GPN1: variants seen among roughly 807,000 people sequenced by gnomAD.
The protein encoded by GPN1 is GPN-loop GTPase 1.
GPN1 carries 44 observed loss-of-function variants against 55.9 expected under a neutral mutation model. That is an observed-to-expected ratio of 0.79 (90% CI 0.62 to 1.01). The LOEUF is 1.01. GPN1 is among the 50% of genes least tolerant of loss of function. The probability of loss-of-function intolerance (pLI) is 0.00; values close to 1 mark genes in which losing one functional copy is unlikely to be tolerated. For synonymous variants in GPN1, 179 were observed against 162.5 expected, an observed-to-expected ratio of 1.10 and a Z score of -0.77; for missense variants, 466 against 462.8, an observed-to-expected ratio of 1.01 and a Z score of -0.06.
chr2:27,632,588 G>T, intron 4 of GPN1, 45 bp from the exon 5 acceptor site: 1 of 1,393,914 alleles, frequency 7.2e-7, no homozygotes, highest in South Asian at 1.2e-5. Flanking sequence ...CTGTGATTTT[G>T]TGTTGAAATC....
chr2:27,635,013 G>A (rs912079108), intron 6 of GPN1, 89 bp downstream of exon 6: 1 of 975,486 alleles, frequency 1.0e-6, no homozygotes, highest in African/African-American at 1.6e-5. Context: ...CTTTATATGG[G>A]AGGAAGTTGT....
chr2:27,641,696 C>T (rs569460481), intron 11 of GPN1, among the ~76,000 whole-genome samples: 304 of 152,260 alleles, frequency 2.0e-3, no homozygotes, highest in African/African-American at 7.1e-3. Context: ...TGGGCTTAAG[C>T]GATCCTCCCA....
Position 27,634,836 on chromosome 2 carries a change from C to A in GPN1, c.351-10C>A, listed in dbSNP as rs1247796332. 1.4e-6 allele frequency: 2 copies of A among 1,459,600 alleles called. No homozygotes were observed. The highest frequency in any genetic ancestry group is 1.9e-6 in the Non-Finnish European group (2 of 1,038,944). The allele number at this position is 1,459,600 out of a possible 1,614,324, so 90.4% of individuals were successfully genotyped here. ...ATGTAACACTTCTTTAATGATCTTT[C>A]TTGACATAGATATGTGTTGATTGAC... On this transcript the variant is annotated splice_polypyrimidine_tract_variant and intron_variant, in intron 5 of 13. Coordinates refer to ENST00000610189, the MANE Select transcript of GPN1 (RefSeq NM_007266.4).
At chr2:27,629,318 C>T (rs775965579) in intron 1 of GPN1, 149 bp downstream of exon 1, 3 of 1,490,812 alleles carry the variant, frequency 2.0e-6, no homozygotes, top group African/African-American at 2.8e-5. Flanking sequence ...CCTTCCCCGG[C>T]AAAGCCTCCT....
chr2:27,642,471 C>A lies in GPN1; in HGVS notation c.883C>A (p.Leu295Ile), dbSNP rs1673995659. 1 of 1,613,602 alleles carries A rather than the reference C, an allele frequency of 6.2e-7. No individual in the cohort carries two copies. The highest frequency in any genetic ancestry group is 1.3e-5 in the African/African-American group (1 of 74,880). Residue 295 changes from leucine (L) to isoleucine (I), a missense_variant, in exon 12 of 14, where the codon CTT becomes ATT. Physicochemically the swap from Leu to Ile is conservative, Grantham distance 5. Transcript: ENST00000610189. ...ACAGCAGAGAGAACAACTGGAACGCCTTCGAAAAGATATGGGTTCTGTAGC... is the reference window on the plus strand; with the variant it reads ...ACAGCAGAGAGAACAACTGGAACGCATTCGAAAAGATATGGGTTCTGTAGC... ...SQQQREQLER[L>I]RKDMGSVALD...
In GPN1 at chr2:27,650,804, T is replaced by C. The variant is rs538177353; in HGVS notation, c.*604T>C. Reference sequence around the variant, plus strand: ...GCAAGACATGATTAATGAATCAGAATCCTGTTTCATTGGTGACTTGGATAA... The same window carrying C: ...GCAAGACATGATTAATGAATCAGAACCCTGTTTCATTGGTGACTTGGATAA... On this transcript the variant is annotated 3_prime_UTR_variant, in exon 14 of 14. Transcript: ENST00000610189. 50 of 152,918 alleles carry C rather than the reference T, an allele frequency of 3.3e-4. No homozygotes were observed. Among genetic ancestry groups the C allele is most frequent in the African/African-American group, 1.2e-3 (49 of 41,588 alleles). The allele number at this position is 152,918 out of a possible 1,614,324, so 9.5% of individuals were successfully genotyped here.
At position 27,631,836 on chromosome 2, in the gene GPN1, A is replaced by G; in HGVS notation, c.248A>G (p.Tyr83Cys). 6.3e-7 allele frequency: 1 copy of G among 1,584,504 alleles called. No individual in the cohort carries two copies. The highest frequency in any genetic ancestry group is 8.7e-7 in the Non-Finnish European group (1 of 1,152,918). The change falls in exon 4 of 14, where the codon TAT (tyrosine) becomes TGT (cysteine). Residue 83 changes from tyrosine to cysteine, a missense_variant and splice_region_variant. Tyr to Cys is a radical substitution (Grantham distance 194). Coordinates refer to ENST00000610189, the MANE Select transcript of GPN1 (RefSeq NM_007266.4). ...TVKYKEVMKQ[Y>C]GLGPNGGIVT... ...TCAGTCCTCAACTTGGTGTCTAGAT[A>G]TGGACTTGGACCCAATGGCGGCATA... is the stretch of plus-strand genomic sequence containing the variant.
chr2:27,631,951 T>C (rs1429206431), intron 4 of GPN1, 51 bp downstream of exon 4: 4 of 995,992 alleles, frequency 4.0e-6, no homozygotes, highest in Non-Finnish European at 6.5e-6. Context: ...TCTGTGACTC[T>C]TAAATTCCTT....
intron 12 of GPN1, among the ~76,000 whole-genome samples, chr2:27,646,578 C>G (rs1674244989): frequency 6.6e-6 from 1 of 152,068 alleles, no homozygotes; most frequent in Admixed American, 6.6e-5. Flanking sequence ...TCCACCCCCA[C>G]CCCTGTATAT....
intron 1 of GPN1, chr2:27,629,525 C>G: frequency 1.1e-6 from 1 of 882,496 alleles, no homozygotes; most frequent in Non-Finnish European, 1.8e-6. Context: ...TCTTGCACGC[C>G]TGTCATGTTC....
At chr2:27,628,438 A>G (rs762814103), upstream of GPN1, 25 of 1,551,582 alleles carry the variant, frequency 1.6e-5, no homozygotes, top group South Asian at 3.0e-4. Flanking sequence ...GCAACTGTGT[A>G]GTTCACTGAG....
chr2:27,630,500 C>T (rs1158642094), intron 2 of GPN1, among the ~76,000 whole-genome samples: 1 of 150,898 alleles, frequency 6.6e-6, no homozygotes, highest in African/African-American at 2.4e-5. Flanking sequence ...AGTGATCCTC[C>T]CACCTCAGCC....
In GPN1 at chr2:27,651,357, T is replaced by C. The variant is rs556448450; in HGVS notation, c.*1157T>C. The C allele has an allele frequency of 2.6e-5, 4 of 152,454 alleles. No homozygotes were observed. Among genetic ancestry groups the C allele is most frequent in the African/African-American group, 4.8e-5 (2 of 41,596 alleles). 9.4% of individuals were successfully genotyped at this position (152,454 alleles called of 1,614,324 possible). On this transcript the variant is annotated 3_prime_UTR_variant, in exon 14 of 14. Transcript: ENST00000610189. Reference sequence around the variant, plus strand: ...TAGAAAGCCCTCCATGTGATTCTGATGCATAGTAGCCTATGACATAATTCC... The same window carrying C: ...TAGAAAGCCCTCCATGTGATTCTGACGCATAGTAGCCTATGACATAATTCC...
intron 5 of GPN1, among the ~76,000 whole-genome samples, chr2:27,632,931 C>T (rs185340175): frequency 7.2e-5 from 11 of 152,290 alleles, no homozygotes; most frequent in African/African-American, 2.4e-4. Context: ...ATTCAGTTGT[C>T]CACCTGCCTT....
intron 7 of GPN1, among the ~76,000 whole-genome samples, chr2:27,637,059 C>T (rs56001553): frequency 0.4 from 61,309 of 151,662 alleles, 13,214 homozygotes; most frequent in Non-Finnish European, 0.49. Context: ...CTGCAGAGAC[C>T]AGCCGGGGCA....
At chr2:27,637,182 A>G (rs1673765461) in intron 7 of GPN1, among the ~76,000 whole-genome samples, 1 of 152,220 alleles carries the variant, frequency 6.6e-6, no homozygotes, top group African/African-American at 2.4e-5. Context: ...CAGTAGATTA[A>G]CACACATTAC....
At position 27,638,998 on chromosome 2, in the gene GPN1, C is replaced by T. The variant is rs1428647065; in HGVS notation, c.684C>T (p.Ser228=). 1.2e-6 allele frequency: 2 copies of T among 1,612,550 alleles called. No individual in the cohort carries two copies. ...TYVSNLTRSM[S]LVLDEFYSSL... ...TCAGTAACCTGACTCGTTCAATGAGCCTGGTGTTAGATGAGTTTTACAGCT... is the reference window on the plus strand; with the variant it reads ...TCAGTAACCTGACTCGTTCAATGAGTCTGGTGTTAGATGAGTTTTACAGCT... Residue 228 remains serine, a synonymous_variant, in exon 9 of 14, where the codon AGC becomes AGT. Coordinates refer to ENST00000610189, the MANE Select transcript of GPN1 (RefSeq NM_007266.4).
chr2:27,649,259 AC>A (rs1674393589), intron 13 of GPN1, among the ~76,000 whole-genome samples: 1 of 147,490 alleles, frequency 6.8e-6, no homozygotes, highest in African/African-American at 2.5e-5. Flanking sequence ...AAACAAACAA[AC>A]AAACAAACAA....
chr2:27,635,637 A>G, intron 7 of GPN1, among the ~76,000 whole-genome samples: 1 of 151,938 alleles, frequency 6.6e-6, no homozygotes, highest in East Asian at 1.9e-4. Context: ...GGAACATAGC[A>G]AGACTCTGTC....
Sources: allele counts gnomAD v4.1 joint callset (sites outside exome capture counted in the v4.1 genomes callset), GRCh38; gene constraint gnomAD v4.1.1; transcripts MANE v1.5; gene names NCBI Gene and HGNC (gene_info 2026-07-23, HGNC 2026-07-21).